LRRC69: variants seen among roughly 807,000 people sequenced by gnomAD.
LRRC69 encodes the protein leucine rich repeat containing 69.
Under a neutral mutation model 37.8 loss-of-function variants are expected in LRRC69, and 42 were observed. The ratio of observed to expected loss-of-function variants is 1.11; its 90% CI spans 0.87 to 1.44. The LOEUF (loss-of-function observed/expected upper bound fraction) is 1.44. Ranked by LOEUF, LRRC69 falls within the 40% of genes most tolerant of loss-of-function variation. The pLI is 0.00. For synonymous variants in LRRC69, 141 were observed against 143.1 expected, an observed-to-expected ratio of 0.99 and a Z score of 0.11; for missense variants, 357 against 401.9, an observed-to-expected ratio of 0.89 and a Z score of 0.96.
chr8:91,168,453 G>C (rs1405670611), intron 5 of LRRC69, among the ~76,000 whole-genome samples: 2 of 151,892 alleles, frequency 1.3e-5, no homozygotes, highest in African/African-American at 4.8e-5. Flanking sequence ...GAAATCTTTT[G>C]GGTGGGATTT....
At chr8:91,120,568 G>A (rs896462836) in intron 1 of LRRC69, among the ~76,000 whole-genome samples, 1 of 152,150 alleles carries the variant, frequency 6.6e-6, no homozygotes, top group African/African-American at 2.4e-5. Flanking sequence ...CTGCCATGGT[G>A]TAGCAGCTGT....
chr8:91,155,867 G>GTATATA (rs57160758), intron 5 of LRRC69, among the ~76,000 whole-genome samples: 6 of 146,532 alleles, frequency 4.1e-5, no homozygotes, highest in African/African-American at 1.5e-4. Flanking sequence ...GTATGTGTGT[G>GTATATA]TATATATATA....
chr8:91,108,826 A>G (rs550357962), intron 1 of LRRC69, among the ~76,000 whole-genome samples: 3 of 152,106 alleles, frequency 2.0e-5, no homozygotes, highest in South Asian at 4.2e-4. Flanking sequence ...GGCCCAGGGA[A>G]GCCAAAGAAT....
intron 7 of LRRC69, among the ~76,000 whole-genome samples, chr8:91,218,500 A>T (rs932999254): frequency 3.3e-5 from 5 of 152,208 alleles, no homozygotes; most frequent in Non-Finnish European, 7.4e-5. Flanking sequence ...CTGGGCAGGT[A>T]AAACCAAGAT....
chr8:91,168,274 A>G (rs993412780), intron 5 of LRRC69, among the ~76,000 whole-genome samples: 2 of 151,788 alleles, frequency 1.3e-5, no homozygotes, highest in African/African-American at 4.8e-5. Context: ...GCTTTTGGAA[A>G]AGACTGAGGG....
chr8:91,191,352 A>T (rs546861630), intron 6 of LRRC69, among the ~76,000 whole-genome samples: 2 of 152,048 alleles, frequency 1.3e-5, no homozygotes, highest in Admixed American at 1.3e-4. Context: ...TCCTTTCATC[A>T]ATCATTTCAG....
exon 1 of LRRC69, chr8:91,102,776 C>T (rs1478678088): frequency 1.9e-6 from 3 of 1,551,928 alleles, no homozygotes; most frequent in East Asian, 4.9e-5. Flanking sequence ...ACTGCCTGGC[C>T]TGAAGACTCT....
intron 5 of LRRC69, among the ~76,000 whole-genome samples, chr8:91,152,566 C>T (rs998746751): frequency 6.6e-6 from 1 of 151,442 alleles, no homozygotes; most frequent in African/African-American, 2.4e-5. Context: ...TAGCATGATG[C>T]CTACAGTTTT....
chr8:91,119,496 G>C (rs1477433852), intron 1 of LRRC69, among the ~76,000 whole-genome samples: 1 of 151,966 alleles, frequency 6.6e-6, no homozygotes, highest in Non-Finnish European at 1.5e-5. Context: ...CTACATTCTT[G>C]GTTGCAGAGC....
At chr8:91,184,286 C>T (rs1809370285) in intron 5 of LRRC69, among the ~76,000 whole-genome samples, 1 of 152,042 alleles carries the variant, frequency 6.6e-6, no homozygotes, top group South Asian at 2.1e-4. Context: ...CCACTCATCC[C>T]CCCACCCCGA....
chr8:91,102,676 G>A (rs1178740127), exon 1 of LRRC69: 1 of 1,550,464 alleles, frequency 6.4e-7, no homozygotes, highest in South Asian at 1.2e-5. Flanking sequence ...CTGAGAGATT[G>A]TTAATAAAAG....
chr8:91,167,992 G>T (rs1809058827), intron 5 of LRRC69, among the ~76,000 whole-genome samples: 1 of 151,916 alleles, frequency 6.6e-6, no homozygotes, highest in African/African-American at 2.4e-5. Context: ...CATTTTCTGA[G>T]TGTCTTTTGT....
chr8:91,192,973 G>A (rs1367686157), intron 6 of LRRC69, among the ~76,000 whole-genome samples: 1 of 152,098 alleles, frequency 6.6e-6, no homozygotes, highest in East Asian at 1.9e-4. Context: ...GGTTTTTTAC[G>A]GTTTTAGATC....
intron 5 of LRRC69, among the ~76,000 whole-genome samples, chr8:91,162,171 A>C (rs752592928): frequency 8.6e-5 from 13 of 151,500 alleles, no homozygotes; most frequent in Non-Finnish European, 1.6e-4. Flanking sequence ...ATGTCCTAAC[A>C]TATGGTTTAT....
At chr8:91,216,931 C>T (rs1457451696) in intron 7 of LRRC69, among the ~76,000 whole-genome samples, 1 of 152,072 alleles carries the variant, frequency 6.6e-6, no homozygotes, top group East Asian at 1.9e-4. Context: ...ATAGTTCACC[C>T]TCCCCGAAAT....
chr8:91,200,892 G>T, intron 7 of LRRC69, 100 bp downstream of exon 7: 1 of 1,133,876 alleles, frequency 8.8e-7, no homozygotes, highest in Non-Finnish European at 1.2e-6. Context: ...ACCTATGATT[G>T]GCTTATAGGA....
intron 5 of LRRC69, among the ~76,000 whole-genome samples, chr8:91,185,363 C>G (rs200262633): frequency 1.3e-5 from 2 of 150,440 alleles, no homozygotes; most frequent in Admixed American, 1.3e-4. Flanking sequence ...CTCTCTCTAT[C>G]TGTGTGTGTG....
intron 6 of LRRC69, among the ~76,000 whole-genome samples, chr8:91,196,429 C>T (rs1485650345): frequency 2.6e-5 from 4 of 151,884 alleles, no homozygotes; most frequent in Non-Finnish European, 5.9e-5. Flanking sequence ...GGATAATATC[C>T]TGCAGAGTGT....
chr8:91,152,757 C>A (rs1808763729), intron 5 of LRRC69, among the ~76,000 whole-genome samples: 1 of 151,078 alleles, frequency 6.6e-6, no homozygotes, highest in Non-Finnish European at 1.5e-5. Context: ...TTCCTATCCA[C>A]AAGAATGTAG....
Sources: gnomAD v4.1 joint callset for allele counts (sites outside exome capture counted in the v4.1 genomes callset) on GRCh38, gnomAD v4.1.1 for gene constraint, MANE v1.5 for transcripts, NCBI Gene and HGNC (gene_info 2026-07-23, HGNC 2026-07-21) for gene names.